The following CNTN4 variants were observed in gnomAD, a reference collection of about 807,000 sequenced individuals.
CNTN4 encodes contactin 4.
Under a neutral mutation model 122.5 loss-of-function variants are expected in CNTN4, and 77 were observed. The ratio of observed to expected loss-of-function variants is 0.63; its 90% confidence interval spans 0.52 to 0.76. CNTN4 has a LOEUF of 0.76. Ranked by LOEUF, CNTN4 falls within the 30% of genes least tolerant of loss-of-function variation. CNTN4 has a pLI of 0.00. For synonymous variants in CNTN4, 512 were observed against 447.0 expected (o/e 1.15, Z -1.83); for missense variants, 1,256 against 1,259.1 (o/e 1.00, Z 0.04).
chr3:2,233,579 T>C (rs972860273), intron 2 of CNTN4, among the ~76,000 whole-genome samples: 2 of 152,162 alleles, frequency 1.3e-5, no homozygotes, highest in Non-Finnish European at 2.9e-5. Context: ...TAGGCATAGA[T>C]GGTTTGAGAA....
chr3:2,591,254 TTG>T (rs2080458619), intron 4 of CNTN4, among the ~76,000 whole-genome samples: 1 of 152,156 alleles, frequency 6.6e-6, no homozygotes, highest in Non-Finnish European at 1.5e-5. Flanking sequence ...GAATAATTGT[TTG>T]TATTATAAGC....
intron 10 of CNTN4, among the ~76,000 whole-genome samples, chr3:2,887,876 GA>G (rs1297818889): frequency 6.6e-6 from 1 of 152,110 alleles, no homozygotes; most frequent in African/African-American, 2.4e-5. Context: ...ATACTGATTT[GA>G]AATCTCGAAA....
intron 2 of CNTN4, among the ~76,000 whole-genome samples, chr3:2,313,427 T>G (rs1008836368): frequency 6.6e-6 from 1 of 152,044 alleles, no homozygotes; most frequent in African/African-American, 2.4e-5. Context: ...AAAAATGCAG[T>G]GTGCTGTCAT....
At chr3:2,848,965 A>G (rs1239164897) in intron 7 of CNTN4, among the ~76,000 whole-genome samples, 1 of 152,204 alleles carries the variant, frequency 6.6e-6, no homozygotes, top group Non-Finnish European at 1.5e-5. Context: ...TGATTTTAAA[A>G]AAGATTAGAA....
chr3:2,468,521 C>T (rs750130257), intron 3 of CNTN4, among the ~76,000 whole-genome samples: 15 of 152,124 alleles, frequency 9.9e-5, no homozygotes, highest in Non-Finnish European at 1.8e-4. Flanking sequence ...TTACGGTAGG[C>T]TGTTGTGTCT....
chr3:2,683,102 A>G lies in CNTN4; in HGVS notation c.56-53113A>G, dbSNP rs2085248792. On this transcript the variant is annotated intron_variant, in intron 4 of 24. Transcript: ENST00000418658. ...AAAACAATCCACCACCATTATTTTT[A>G]TAGCATGCCCATCTCCCAGAGTGTC... Among the ~76,000 whole-genome samples, 3 of 152,132 alleles carry G rather than the reference A, an allele frequency of 2.0e-5. No individual in the cohort carries two copies. In the South Asian group the frequency reaches 6.2e-4, roughly 31 times the overall value.
chr3:2,392,983 A>G (rs71309894), intron 3 of CNTN4, among the ~76,000 whole-genome samples: 24,875 of 152,174 alleles, frequency 0.16, 2,405 homozygotes, highest in Middle Eastern at 0.24. Context: ...CCACAAACTG[A>G]GTGGCTTAAA....
At chr3:3,037,057 C>G in intron 17 of CNTN4, 122 bp from the exon 18 acceptor site, 1 of 1,145,232 alleles carries the variant, frequency 8.7e-7, no homozygotes, top group South Asian at 1.2e-5. Context: ...TATCAGAACA[C>G]CTACACTGCC....
chr3:2,143,680 A>G (rs1330816411), intron 2 of CNTN4, among the ~76,000 whole-genome samples: 1 of 152,208 alleles, frequency 6.6e-6, no homozygotes, highest in Non-Finnish European at 1.5e-5. Context: ...TTATTTACAA[A>G]CATATGAGTT....
At chr3:2,436,944 TTTCC>T (rs2048278651) in intron 3 of CNTN4, among the ~76,000 whole-genome samples, 1 of 151,824 alleles carries the variant, frequency 6.6e-6, no homozygotes. Context: ...AGAACTATAC[TTTCC>T]TTCTTTTGGG....
At chr3:2,923,380 C>G (rs1003986328) in intron 12 of CNTN4, among the ~76,000 whole-genome samples, 2 of 151,726 alleles carry the variant, frequency 1.3e-5, no homozygotes, top group Non-Finnish European at 2.9e-5. Context: ...TGCTGAAACA[C>G]TTTTCTGTGA....
chr3:2,250,519 G>T (rs901251389), intron 2 of CNTN4, among the ~76,000 whole-genome samples: 1 of 151,842 alleles, frequency 6.6e-6, no homozygotes, highest in African/African-American at 2.4e-5. Flanking sequence ...TATATAGCTA[G>T]AGGGAGGATA....
chr3:2,099,178 G>A (rs1041992410), intron 1 of CNTN4, 200 bp downstream of exon 1: 1 of 152,316 alleles, frequency 6.6e-6, no homozygotes, highest in African/African-American at 2.4e-5. Context: ...AAGCCCTGCA[G>A]GGTCGGGGAG....
intron 3 of CNTN4, among the ~76,000 whole-genome samples, chr3:2,472,420 A>T (rs2075713521): frequency 6.6e-6 from 1 of 151,976 alleles, no homozygotes; most frequent in Admixed American, 6.6e-5. Context: ...TTGTATTTTT[A>T]GTAGATATGG....
At chr3:2,527,353 G>A (rs7648280) in intron 3 of CNTN4, among the ~76,000 whole-genome samples, 22,042 of 151,638 alleles carry the variant, frequency 0.15, 49 homozygotes, top group Non-Finnish European at 0.18. Flanking sequence ...AGAAGTGGTC[G>A]TTAAAAGCTG....
At chr3:2,325,425 T>G (rs2043419763) in intron 2 of CNTN4, among the ~76,000 whole-genome samples, 1 of 152,252 alleles carries the variant, frequency 6.6e-6, no homozygotes, top group South Asian at 2.1e-4. Context: ...TCAATAAACC[T>G]AATCCATTAA....
chr3:2,888,294 ATACCTGCTCCCTTGC>A (rs2094000901), intron 10 of CNTN4, among the ~76,000 whole-genome samples: 1 of 152,154 alleles, frequency 6.6e-6, no homozygotes, highest in Admixed American at 6.5e-5. Context: ...ACATCTAGTT[ATACCTGCTCCCTTGC>A]TAACCGCAAT....
chr3:2,456,157 A>G (rs748384646), intron 3 of CNTN4, among the ~76,000 whole-genome samples: 2 of 152,064 alleles, frequency 1.3e-5, no homozygotes, highest in Middle Eastern at 6.8e-3. Context: ...GCCTTCCTGA[A>G]TCTGAATCTC....
chr3:2,464,561 A>G (rs2151455802), intron 3 of CNTN4, among the ~76,000 whole-genome samples: 1 of 152,352 alleles, frequency 6.6e-6, no homozygotes, highest in South Asian at 2.1e-4. Context: ...CATGTAGTCA[A>G]GTGTTGTTTA....
Sources: allele counts gnomAD v4.1 joint callset (sites outside exome capture counted in the v4.1 genomes callset), GRCh38; gene constraint gnomAD v4.1.1; transcripts MANE v1.5; gene names NCBI Gene and HGNC (gene_info 2026-07-23, HGNC 2026-07-21).